FNDC3B: variants seen among roughly 807,000 people sequenced by gnomAD.
The protein encoded by FNDC3B is fibronectin type III domain-containing protein 3B.
FNDC3B carries 12 observed loss-of-function variants against 151.5 expected under a neutral mutation model. The observed-to-expected ratio is 0.08, with a 90% CI of 0.05 to 0.13. The LOEUF is 0.13. Among genes scored for constraint, FNDC3B ranks in the 10% least tolerant of loss-of-function variants. The pLI is 1.00. For synonymous variants in FNDC3B, 528 were observed against 549.0 expected, an observed-to-expected ratio of 0.96 and a Z score of 0.54; for missense variants, 1,214 against 1,505.3, an observed-to-expected ratio of 0.81 and a Z score of 3.20.
intron 7 of FNDC3B, among the ~76,000 whole-genome samples, chr3:172,287,024 T>A (rs1730057340): frequency 2.0e-5 from 3 of 152,222 alleles, no homozygotes; most frequent in Non-Finnish European, 4.4e-5. Flanking sequence ...CTATAACCTG[T>A]TAGAATAGAT....
chr3:172,375,369 C>T (rs1735079935), intron 23 of FNDC3B, among the ~76,000 whole-genome samples: 1 of 152,230 alleles, frequency 6.6e-6, no homozygotes, highest in Non-Finnish European at 1.5e-5. Flanking sequence ...CCAATTGACA[C>T]TTGATGCTTT....
chr3:172,375,902 C>T (rs973550606), intron 23 of FNDC3B, among the ~76,000 whole-genome samples: 1 of 152,140 alleles, frequency 6.6e-6, no homozygotes, highest in East Asian at 1.9e-4. Flanking sequence ...TGCCTAACTC[C>T]GCCTTCACTG....
intron 2 of FNDC3B, among the ~76,000 whole-genome samples, chr3:172,124,377 C>T (rs1720704811): frequency 6.6e-6 from 1 of 152,244 alleles, no homozygotes; most frequent in South Asian, 2.1e-4. Flanking sequence ...GGGCGTGAGC[C>T]ACCACGCCTG....
At chr3:172,154,930 G>A (rs1305999392) in intron 3 of FNDC3B, among the ~76,000 whole-genome samples, 1 of 152,020 alleles carries the variant, frequency 6.6e-6, no homozygotes, top group Non-Finnish European at 1.5e-5. Flanking sequence ...TCGGGGGCTG[G>A]TGATGTACTC....
intron 21 of FNDC3B, among the ~76,000 whole-genome samples, chr3:172,349,990 T>C (rs990578430): frequency 1.3e-5 from 2 of 152,200 alleles, no homozygotes; most frequent in Non-Finnish European, 2.9e-5. Flanking sequence ...ATCATTATTC[T>C]ATAGTTCTGT....
Position 172,185,287 on chromosome 3 carries a change from G to C in FNDC3B, c.188-41584G>C, listed in dbSNP as rs561210537. On this transcript the variant is annotated intron_variant, in intron 3 of 25. Transcript: ENST00000415807. ...GCTAGGTAGACTTAAAAAACATCGT[G>C]ACCCCTTTCTGGCCCCTCATCTTCT... 1.4e-4 allele frequency among the ~76,000 whole-genome samples: 21 copies of C among 152,282 alleles called. 1 individual carries two copies. In the South Asian group the frequency reaches 3.9e-3, roughly 29 times the overall value.
At chr3:172,246,811 T>C (rs1013312233) in intron 4 of FNDC3B, among the ~76,000 whole-genome samples, 1 of 152,218 alleles carries the variant, frequency 6.6e-6, no homozygotes, top group African/African-American at 2.4e-5. Context: ...AGAGTGTTGA[T>C]TGGCTTGCTT....
At chr3:172,247,876 A>G (rs1727862925) in intron 5 of FNDC3B, 100 bp downstream of exon 5, 2 of 1,336,112 alleles carry the variant, frequency 1.5e-6, no homozygotes, top group African/African-American at 2.9e-5. Flanking sequence ...AGCATAGTAG[A>G]AAAGGATCTA....
intron 12 of FNDC3B, 66 bp downstream of exon 12, chr3:172,329,142 T>A: frequency 6.5e-7 from 1 of 1,544,306 alleles, no homozygotes; most frequent in South Asian, 1.2e-5. Flanking sequence ...TTCTTTTACA[T>A]AGCTGGAAGG....
At chr3:172,360,164 A>G (rs763548743) in intron 22 of FNDC3B, among the ~76,000 whole-genome samples, 2 of 152,160 alleles carry the variant, frequency 1.3e-5, no homozygotes, top group Admixed American at 6.5e-5. Context: ...TTTTTAACAT[A>G]ATGGTATTAC....
chr3:172,349,798 G>A (rs1038885259), intron 21 of FNDC3B, among the ~76,000 whole-genome samples: 1 of 151,524 alleles, frequency 6.6e-6, no homozygotes, highest in Non-Finnish European at 1.5e-5. Context: ...CGGGATTACA[G>A]GCGCCTGCCA....
At chr3:172,200,024 T>TTCAG (rs138586826) in intron 3 of FNDC3B, among the ~76,000 whole-genome samples, 15 of 151,962 alleles carry the variant, frequency 9.9e-5, no homozygotes, top group African/African-American at 3.4e-4. Flanking sequence ...CATTCATTCA[T>TTCAG]TCATTCATTC....
intron 8 of FNDC3B, among the ~76,000 whole-genome samples, chr3:172,296,783 T>C (rs766805817): frequency 6.6e-6 from 1 of 152,210 alleles, no homozygotes; most frequent in Non-Finnish European, 1.5e-5. Context: ...GACCCACTTA[T>C]GCACGGATTC....
In FNDC3B at chr3:172,330,572, T is replaced by A; in HGVS notation, c.1411T>A (p.Leu471Ile). 1 of 1,614,068 alleles carries A rather than the reference T, an allele frequency of 6.2e-7. No individual in the cohort carries two copies. The highest frequency in any genetic ancestry group is 8.5e-7 in the Non-Finnish European group (1 of 1,179,960). ...GYSQEVVCYT[L>I]GNIPQMPSAP... ...TAGCCAAGAGGTGGTGTGCTACACA[T>A]TAGGAAATATCCCTCAGATGCCTTC... The change falls in exon 13 of 26, where the codon TTA becomes ATA. Residue 471 changes from leucine to isoleucine, a missense_variant. Transcript: ENST00000415807.
chr3:172,398,648 GA>G lies in FNDC3B; in HGVS notation c.*1174del, dbSNP rs1736407940. On this transcript the variant is annotated 3_prime_UTR_variant, in exon 26 of 26. Coordinates refer to ENST00000415807, the MANE Select transcript of FNDC3B (RefSeq NM_022763.4). ...TGATGGTAAACACAGGGTGTTTGGG[GA>G]TCAAGGAGCCTAGATTCTCTCCCTG... is the stretch of plus-strand genomic sequence containing the variant. 1 of 152,156 alleles carries G rather than the reference GA, an allele frequency of 6.6e-6. No homozygotes were observed. Among genetic ancestry groups the G allele is most frequent in the Admixed American group, 6.5e-5 (1 of 15,286 alleles). The allele number at this position is 152,156 out of a possible 1,614,324, so 9.4% of individuals were successfully genotyped here. A position where few individuals can be genotyped will look rare whatever the true frequency, so the allele number is the denominator to read the frequency against.
chr3:172,075,838 A>G (rs1461010891), intron 1 of FNDC3B, among the ~76,000 whole-genome samples: 1 of 151,982 alleles, frequency 6.6e-6, no homozygotes, highest in African/African-American at 2.4e-5. Context: ...TTGTGATGCA[A>G]TTCTATTCGA....
At chr3:172,069,693 G>T (rs1717673613) in intron 1 of FNDC3B, among the ~76,000 whole-genome samples, 1 of 152,150 alleles carries the variant, frequency 6.6e-6, no homozygotes, top group African/African-American at 2.4e-5. Flanking sequence ...TCTTGTTTCA[G>T]CTTCACTGGG....
chr3:172,298,852 C>A, intron 9 of FNDC3B, 65 bp downstream of exon 9: 1 of 1,205,580 alleles, frequency 8.3e-7, no homozygotes, highest in Non-Finnish European at 1.2e-6. Flanking sequence ...AAAACATGTA[C>A]TCCCTTTTAA....
intron 3 of FNDC3B, among the ~76,000 whole-genome samples, chr3:172,136,115 G>C (rs910682183): frequency 1.3e-5 from 2 of 152,188 alleles, no homozygotes; most frequent in African/African-American, 4.8e-5. Context: ...TATGTCTGAT[G>C]CCCTCAGTTC....
Sources: allele counts gnomAD v4.1 joint callset (sites outside exome capture counted in the v4.1 genomes callset), GRCh38; gene constraint gnomAD v4.1.1; transcripts MANE v1.5; gene names NCBI Gene and HGNC (gene_info 2026-07-23, HGNC 2026-07-21).